Variants in MAST2 observed in about 807,000 individuals in gnomAD.
MAST2 encodes the protein microtubule-associated serine/threonine-protein kinase 2.
In MAST2, 70 loss-of-function variants were observed where a neutral mutation model predicts 147.4. That is an observed-to-expected ratio of 0.47 (90% CI 0.39 to 0.58). The LOEUF is 0.58. MAST2 is among the 20% of genes least tolerant of loss of function. MAST2 has a pLI of 0.00. For synonymous variants in MAST2, 869 were observed against 896.8 expected (o/e 0.97, Z 0.55); for missense variants, 2,080 against 2,302.3 (o/e 0.90, Z 1.98).
chr1:46,032,742 C>T (rs776863957), intron 26 of MAST2, 24 bp downstream of exon 26: 1 of 1,604,478 alleles, frequency 6.2e-7, no homozygotes, highest in South Asian at 1.1e-5. Flanking sequence ...GTGCTGCCTG[C>T]ATGGTCCCTG....
intron 4 of MAST2, chr1:45,913,860 G>A (rs759489735): frequency 2.7e-5 from 33 of 1,244,730 alleles, no homozygotes; most frequent in Non-Finnish European, 2.9e-5. Context: ...GAGACTGGGA[G>A]CACCATGTCT....
intron 4 of MAST2, among the ~76,000 whole-genome samples, chr1:45,885,999 C>G (rs1356679193): frequency 1.3e-5 from 2 of 151,844 alleles, no homozygotes; most frequent in Non-Finnish European, 2.9e-5. Flanking sequence ...TGTGGTGGTT[C>G]ACACCTGTAA....
chr1:45,985,679 G>A (rs1009964856), intron 5 of MAST2, among the ~76,000 whole-genome samples: 1 of 152,172 alleles, frequency 6.6e-6, no homozygotes, highest in Non-Finnish European at 1.5e-5. Context: ...TATTGGGATT[G>A]TGCTGAATCT....
At chr1:46,007,825 C>G (rs2149219789) in intron 8 of MAST2, among the ~76,000 whole-genome samples, 1 of 152,354 alleles carries the variant, frequency 6.6e-6, no homozygotes, top group South Asian at 2.1e-4. Flanking sequence ...TGGCCTCATT[C>G]ATCCCCAAGT....
chr1:45,993,994 A>G (rs1344156536), intron 5 of MAST2, among the ~76,000 whole-genome samples: 2 of 152,202 alleles, frequency 1.3e-5, no homozygotes, highest in African/African-American at 2.4e-5. Context: ...CATGTGTAGG[A>G]CAAGGTCTGG....
intron 5 of MAST2, among the ~76,000 whole-genome samples, chr1:45,989,889 C>T (rs1296403839): frequency 1.3e-5 from 2 of 152,156 alleles, no homozygotes; most frequent in African/African-American, 2.4e-5. Flanking sequence ...TTCAAGGTTC[C>T]TGTCTTTTCG....
In MAST2 at chr1:46,003,030, G is replaced by A. The variant is rs1314592705; in HGVS notation, c.747+147G>A. The A allele has an allele frequency of 7.6e-6, 6 of 788,226 alleles. No homozygotes were observed. In the African/African-American group the frequency reaches 1.0e-4, roughly 13 times the overall value. 48.8% of individuals were successfully genotyped at this position (788,226 alleles called of 1,614,324 possible). On this transcript the variant is annotated intron_variant, in intron 7 of 28. Coordinates refer to ENST00000361297, the MANE Select transcript of MAST2 (RefSeq NM_015112.3). Reference sequence around the variant, plus strand: ...GAGAGATGATGTTGGGTGCAACAGAGGGCTGGGGTCCCTTCCCAACCATAG... The same window carrying A: ...GAGAGATGATGTTGGGTGCAACAGAAGGCTGGGGTCCCTTCCCAACCATAG...
At chr1:45,835,593 TTGAGA>T (rs146891040) in intron 3 of MAST2, among the ~76,000 whole-genome samples, 6,878 of 152,240 alleles carry the variant, frequency 0.045, 494 homozygotes, top group African/African-American at 0.15. Context: ...TTGAATTTTG[TTGAGA>T]TGAGATTTTC....
intron 3 of MAST2, chr1:45,847,420 G>T: frequency 3.6e-6 from 2 of 549,826 alleles, no homozygotes; most frequent in Non-Finnish European, 6.9e-6. Context: ...TTTTGGGGGG[G>T]ATCAAGATGA....
At position 45,927,572 on chromosome 1, in the gene MAST2, A is replaced by T. The variant is rs192751370; in HGVS notation, c.501-31814A>T. ...AATACGGCTCTGTTCTGCCTGACTC[A>T]CCGGCGGTCAGAGTTTAAGGTTCTC... is the stretch of plus-strand genomic sequence containing the variant. On this transcript the variant is annotated intron_variant, in intron 4 of 28. Transcript: ENST00000361297. 2.0e-5 allele frequency among the ~76,000 whole-genome samples: 3 copies of T among 152,318 alleles called. No individual in the cohort carries two copies. The East Asian group carries it at 5.8e-4, about 29-fold the overall frequency.
At chr1:45,820,243 A>C (rs901423492) in intron 1 of MAST2, among the ~76,000 whole-genome samples, 4 of 152,244 alleles carry the variant, frequency 2.6e-5, no homozygotes, top group Non-Finnish European at 5.9e-5. Flanking sequence ...GCAAACTCTG[A>C]AACTACTAAA....
intron 1 of MAST2, among the ~76,000 whole-genome samples, chr1:45,822,680 T>C (rs11211200): frequency 0.34 from 51,740 of 151,766 alleles, 9,277 homozygotes; most frequent in African/African-American, 0.44. Context: ...GGATATCCAC[T>C]TTAGCTTGAT....
In MAST2 at chr1:46,005,515, C is replaced by T. The variant is rs148583302; in HGVS notation, c.748-726C>T. Among the ~76,000 whole-genome samples, 1,080 of 152,242 alleles carry T rather than the reference C, an allele frequency of 7.1e-3. 6 individuals carry two copies. The highest frequency in any genetic ancestry group is 0.011 in the Non-Finnish European group (780 of 68,016). ...TGAATGGGTGCTTCAGCATTAGCTG[C>T]GCCTGTAGAAGTCCTGTGATAGCCG... On this transcript the variant is annotated intron_variant, in intron 7 of 28. Coordinates refer to ENST00000361297, the MANE Select transcript of MAST2 (RefSeq NM_015112.3).
intron 1 of MAST2, among the ~76,000 whole-genome samples, chr1:45,807,899 A>G (rs1644186779): frequency 6.6e-6 from 1 of 152,122 alleles, no homozygotes; most frequent in Non-Finnish European, 1.5e-5. Flanking sequence ...ATTTGTAATA[A>G]TTTATGATTT....
At chr1:45,962,039 C>T (rs547042598) in intron 5 of MAST2, among the ~76,000 whole-genome samples, 9 of 151,616 alleles carry the variant, frequency 5.9e-5, no homozygotes, top group Middle Eastern at 3.4e-3. Flanking sequence ...TTTGTCCTTG[C>T]GATAGTTTGC....
At chr1:45,845,694 C>G (rs1215233530) in intron 3 of MAST2, among the ~76,000 whole-genome samples, 3 of 152,164 alleles carry the variant, frequency 2.0e-5, no homozygotes, top group African/African-American at 7.2e-5. Context: ...CAAATAAAAC[C>G]TGTCACTTTT....
At chr1:45,932,895 T>C (rs1655544667) in intron 4 of MAST2, among the ~76,000 whole-genome samples, 1 of 151,962 alleles carries the variant, frequency 6.6e-6, no homozygotes, top group African/African-American at 2.4e-5. Flanking sequence ...CTGGCTTATT[T>C]TGTACCCTCA....
intron 11 of MAST2, among the ~76,000 whole-genome samples, 179 bp downstream of exon 11, chr1:46,019,876 G>T (rs946529): frequency 0.45 from 67,953 of 152,156 alleles, 15,373 homozygotes; most frequent in East Asian, 0.63. Context: ...CAAATGTATG[G>T]TCCTGAGGGG....
intron 4 of MAST2, among the ~76,000 whole-genome samples, chr1:45,950,805 G>A (rs1658813007): frequency 6.6e-6 from 1 of 152,136 alleles, no homozygotes; most frequent in Non-Finnish European, 1.5e-5. Context: ...TTAGAGGGTG[G>A]GCACAGTGGC....
Sources: allele counts gnomAD v4.1 joint callset (sites outside exome capture counted in the v4.1 genomes callset), GRCh38; gene constraint gnomAD v4.1.1; transcripts MANE v1.5; gene names NCBI Gene and HGNC (gene_info 2026-07-23, HGNC 2026-07-21).